The following NEB variants were observed in gnomAD, a reference collection of about 807,000 sequenced individuals.
NEB encodes nebulin.
Under a neutral mutation model 952.2 loss-of-function variants are expected in NEB, and 512 were observed. The ratio of observed to expected loss-of-function variants is 0.54; its 90% CI spans 0.50 to 0.58. The LOEUF (loss-of-function observed/expected upper bound fraction) is 0.58. Among genes scored for constraint, NEB ranks in the 20% least tolerant of loss-of-function variants. NEB has a pLI of 0.00. For synonymous variants in NEB, 2,900 were observed against 3,149.8 expected, an observed-to-expected ratio of 0.92 and a Z score of 2.66; for missense variants, 8,428 against 9,231.1, an observed-to-expected ratio of 0.91 and a Z score of 3.56.
chr2:151,514,379 G>T lies in NEB; in HGVS notation c.23066C>A (p.Thr7689Asn). Reference sequence around the variant, plus strand: ...CATGTCAGGTGTATCTTCCATTTCAGTGAGGCCCTTCCCACGGATGCTTTC... The same window carrying T: ...CATGTCAGGTGTATCTTCCATTTCATTGAGGCCCTTCCCACGGATGCTTTC... ...LEESIRGKGL[T>N]EMEDTPDMLR... Residue 7689 changes from threonine (T) to asparagine (N), a missense_variant, in exon 159 of 182, where the codon ACT (threonine) becomes AAT (asparagine). By Grantham distance (65) the Thr-to-Asn change is moderately conservative. Coordinates refer to ENST00000397345, the MANE Select transcript of NEB (RefSeq NM_001164508.2). 1 of 1,613,812 alleles carries T rather than the reference G, an allele frequency of 6.2e-7. No individual in the cohort carries two copies. The highest frequency in any genetic ancestry group is 8.5e-7 in the Non-Finnish European group (1 of 1,179,742).
chr2:151,486,015 T>G, intron 181 of NEB, 82 bp from the exon 182 acceptor site: 2 of 1,401,096 alleles, frequency 1.4e-6, no homozygotes, highest in Non-Finnish European at 2.0e-6. Flanking sequence ...AGATCTCTCA[T>G]GACTGACTCC....
At chr2:151,679,639 G>T in intron 32 of NEB, 82 bp downstream of exon 32, 1 of 922,228 alleles carries the variant, frequency 1.1e-6, no homozygotes, top group Non-Finnish European at 1.7e-6. Context: ...TGCATGCATG[G>T]AGACTTTTGG....
Position 151,516,450 on chromosome 2 carries a change from T to C in NEB, c.22905+9A>G. ...ATCATTGTTGTGTGGTGTGGTTTTT[T>C]TGACTTACCCCACTCTGCATCTGCT... On this transcript the variant is annotated intron_variant, in intron 157 of 181. Transcript: ENST00000397345. 1 of 1,592,750 alleles carries C rather than the reference T, an allele frequency of 6.3e-7. No individual in the cohort carries two copies.
At position 151,691,892 on chromosome 2, in the gene NEB, G is replaced by T; in HGVS notation, c.2183C>A (p.Ala728Glu). 1 of 1,601,834 alleles carries T rather than the reference G, an allele frequency of 6.2e-7. No individual in the cohort carries two copies. Among genetic ancestry groups the T allele is most frequent in the Non-Finnish European group, 8.5e-7 (1 of 1,172,798 alleles). The change falls in exon 23 of 182, where the codon GCA becomes GAA. Residue 728 changes from alanine to glutamate, a missense_variant. Coordinates refer to ENST00000397345, the MANE Select transcript of NEB (RefSeq NM_001164508.2). ...FPQTITQEYE[A>E]IKKLDQCKDH... ...TTTACACTGGTCCAGCTTCTTGATT[G>T]CTTCATATTCTTGTGTTATTGTCTG...
chr2:151,610,880 C>A lies in NEB; in HGVS notation c.11806-14G>T, dbSNP rs544647168. ...TGTGTATAAATGCTACAGGGCAGGG[C>A]GGCATGGGGCATGGGGAGAGGGAGG... is the stretch of plus-strand genomic sequence containing the variant. On this transcript the variant is annotated splice_polypyrimidine_tract_variant and intron_variant, in intron 78 of 181. Coordinates refer to ENST00000397345, the MANE Select transcript of NEB (RefSeq NM_001164508.2). 3.3e-6 allele frequency: 5 copies of A among 1,530,672 alleles called. No individual in the cohort carries two copies. In the Admixed American group the frequency reaches 7.8e-5, roughly 24 times the overall value. 94.8% of individuals were successfully genotyped at this position (1,530,672 alleles called of 1,614,324 possible). A position where few individuals can be genotyped will look rare whatever the true frequency, so the allele number is the denominator to read the frequency against.
rs541908352 is a variant in NEB, at chr2:151,496,277, G to A, written c.24485C>T (p.Ser8162Leu). Residue 8162 changes from serine (S) to leucine (L), a missense_variant and splice_region_variant, in exon 173 of 182, where the codon TCG becomes TTG. Transcript: ENST00000397345. ...TTTTTTTCTTTTCTCGCCAAGTACC[G>A]AGCTAATATTTTCTTGATTGTGTTT... ...RVKHNQENIS[S>L]VLYKENVGKA... The A allele has an allele frequency of 2.6e-5, 42 of 1,604,380 alleles. No individual in the cohort carries two copies. The highest frequency in any genetic ancestry group is 5.3e-5 in the African/African-American group (4 of 74,838).
chr2:151,677,703 G>T lies in NEB; in HGVS notation c.3636C>A (p.Asp1212Glu), dbSNP rs144376972. The T allele has an allele frequency of 1.6e-5, 26 of 1,613,876 alleles. No homozygotes were observed. Among genetic ancestry groups the T allele is most frequent in the South Asian group, 2.2e-5 (2 of 91,078 alleles). The change falls in exon 34 of 182, where the codon GAC becomes GAA. Residue 1212 changes from aspartate to glutamate, a missense_variant. Around this residue, in one of 11 missense-constraint regions of NEB, gnomAD observed 2,851 missense variants for 2,791.5 expected, o/e 1.02. Coordinates refer to ENST00000397345, the MANE Select transcript of NEB (RefSeq NM_001164508.2). ...CACCGGCCTTTTTAACTTTTTCGAC[G>T]TCGAGACTGCCAATAGGAATCCAGC... ...GIGWIPIGSLDVEKVKKAGDA... is the reference protein window; with the variant it reads ...GIGWIPIGSLEVEKVKKAGDA...
intron 135 of NEB, among the ~76,000 whole-genome samples, chr2:151,542,234 G>T (rs1472301935): frequency 2.0e-5 from 3 of 152,034 alleles, no homozygotes; most frequent in Non-Finnish European, 2.9e-5. Flanking sequence ...CCTTCCTCTG[G>T]TTCTGCCCTC....
chr2:151,673,394 G>A (rs1332158966), intron 36 of NEB, among the ~76,000 whole-genome samples: 2 of 150,092 alleles, frequency 1.3e-5, no homozygotes, highest in South Asian at 2.1e-4. Flanking sequence ...CAAAAGGATC[G>A]TCAAGTAATT....
intron 165 of NEB, 86 bp downstream of exon 165, chr2:151,505,392 T>C: frequency 5.2e-6 from 6 of 1,159,798 alleles, no homozygotes; most frequent in South Asian, 2.6e-5. Flanking sequence ...AAGCTCTTGA[T>C]AGGAAGCAGA....
At chr2:151,670,484 C>T (rs188208355) in intron 38 of NEB, among the ~76,000 whole-genome samples, 16 of 147,926 alleles carry the variant, frequency 1.1e-4, no homozygotes, top group South Asian at 8.8e-4. Context: ...GACATACAGA[C>T]GTGGTATGAG....
chr2:151,511,730 T>G (rs901126739), intron 161 of NEB, among the ~76,000 whole-genome samples: 1 of 152,196 alleles, frequency 6.6e-6, no homozygotes, highest in East Asian at 1.9e-4. Flanking sequence ...GATGGCCTAC[T>G]TTTCTTCATC....
chr2:151,659,191 T>C lies in NEB; in HGVS notation c.5971-22A>G, dbSNP rs1350201996. 10 of 1,525,032 alleles carry C rather than the reference T, an allele frequency of 6.6e-6. No individual in the cohort carries two copies. The East Asian group carries it at 2.3e-4, about 34-fold the overall frequency. 94.5% of individuals were successfully genotyped at this position (1,525,032 alleles called of 1,614,324 possible). Reference sequence around the variant, plus strand: ...GATGCTAGGAAAAAAACAGTGTAAATTAGTGTTTAAAATCTTAAAAGAAGC... The same window carrying C: ...GATGCTAGGAAAAAAACAGTGTAAACTAGTGTTTAAAATCTTAAAAGAAGC... On this transcript the variant is annotated intron_variant, in intron 46 of 181. Coordinates refer to ENST00000397345, the MANE Select transcript of NEB (RefSeq NM_001164508.2).
chr2:151,507,213 A>G (rs942026220), intron 162 of NEB, 200 bp from the exon 163 acceptor site: 1 of 515,190 alleles, frequency 1.9e-6, no homozygotes, highest in Non-Finnish European at 3.4e-6. Context: ...ATATAAAGCT[A>G]GGGGTTTGTT....
intron 109 of NEB, 111 bp from the exon 110 acceptor site, chr2:151,569,483 G>T: frequency 1.2e-6 from 1 of 825,512 alleles, no homozygotes; most frequent in Non-Finnish European, 2.1e-6. Flanking sequence ...AAGCCAAGGA[G>T]GACATACTCA....
In NEB at chr2:151,670,993, G is replaced by A. The variant is rs199793754; in HGVS notation, c.4506+30C>T. On this transcript the variant is annotated intron_variant, in intron 38 of 181. Coordinates refer to ENST00000397345, the MANE Select transcript of NEB (RefSeq NM_001164508.2). ...GCTCAGACACGTGTGGTTATTTACGGGCAAATCATTTTGAAAGGAAAGCAC... is the reference window on the plus strand; with the variant it reads ...GCTCAGACACGTGTGGTTATTTACGAGCAAATCATTTTGAAAGGAAAGCAC... 60 of 1,593,346 alleles carry A rather than the reference G, an allele frequency of 3.8e-5. No homozygotes were observed. The African/African-American group carries it at 7.5e-4, about 20-fold the overall frequency.
At chr2:151,715,505 G>C (rs2099756649) in intron 10 of NEB, among the ~76,000 whole-genome samples, 1 of 152,198 alleles carries the variant, frequency 6.6e-6, no homozygotes, top group Admixed American at 6.5e-5. Flanking sequence ...TTAAGTTTAG[G>C]TGAGGTCATG....
At position 151,493,817 on chromosome 2, in the gene NEB, A is replaced by G. The variant is rs1331906548; in HGVS notation, c.24630T>C (p.Pro8210=). 1.9e-6 allele frequency: 3 copies of G among 1,587,608 alleles called. No individual in the cohort carries two copies. The highest frequency in any genetic ancestry group is 2.6e-6 in the Non-Finnish European group (3 of 1,164,960). ...GATTGCGTTTCACTCTTTCCATCTC[A>G]GGAGTAAAGGGTGTGGGGGTTGCTT... is the stretch of plus-strand genomic sequence containing the variant. ...LGKATPTPFT[P]EMERVKRNQE... Residue 8210 remains proline (P), a synonymous_variant, in exon 175 of 182, where the codon CCT becomes CCC. Transcript: ENST00000397345.
At chr2:151,487,119 C>T (rs927076668) in intron 181 of NEB, among the ~76,000 whole-genome samples, 1 of 152,042 alleles carries the variant, frequency 6.6e-6, no homozygotes, top group East Asian at 1.9e-4. Flanking sequence ...TTATTTATGG[C>T]CTTTTTCTAC....
Sources: allele counts gnomAD v4.1 joint callset (sites outside exome capture counted in the v4.1 genomes callset), GRCh38; gene constraint gnomAD v4.1.1; regional missense constraint gnomAD v4.1.1; transcripts MANE v1.5; gene names NCBI Gene and HGNC (gene_info 2026-07-23, HGNC 2026-07-21).